The following HIRA variants were observed in gnomAD, a reference collection of about 807,000 sequenced individuals.
The protein encoded by HIRA is histone cell cycle regulator, also known as protein HIRA.
HIRA carries 13 observed loss-of-function variants against 126.6 expected under a neutral mutation model. That is an observed-to-expected ratio of 0.10 (90% CI 0.07 to 0.16). The LOEUF (loss-of-function observed/expected upper bound fraction) is 0.16, where lower values mean the gene tolerates loss of function less well. Ranked by LOEUF, HIRA falls within the 10% of genes least tolerant of loss-of-function variation. The pLI is 1.00. For missense variants in HIRA, 834 were observed against 1,314.4 expected (o/e 0.63, Z 5.65); for synonymous variants, 511 against 520.0 (o/e 0.98, Z 0.24).
At chr22:19,419,224 A>G (rs1569313659) in intron 1 of HIRA, among the ~76,000 whole-genome samples, 1 of 152,140 alleles carries the variant, frequency 6.6e-6, no homozygotes, top group Non-Finnish European at 1.5e-5. Context: ...TTTCCAAGAA[A>G]CCTGCTCTAC....
chr22:19,430,295 G>A (rs2089521445), intron 1 of HIRA: 1 of 152,222 alleles, frequency 6.6e-6, no homozygotes, highest in Non-Finnish European at 1.5e-5. Flanking sequence ...AAAGAAACAC[G>A]TGAACCTAGT....
intron 21 of HIRA, 132 bp from the exon 22 acceptor site, chr22:19,354,250 T>C (rs1438113804): frequency 1.2e-6 from 1 of 843,448 alleles, no homozygotes; most frequent in African/African-American, 1.7e-5. Flanking sequence ...CAGTAGAGGC[T>C]GAGCGCCCCT....
chr22:19,384,387 AT>A (rs2089105680), intron 12 of HIRA, among the ~76,000 whole-genome samples: 1 of 151,626 alleles, frequency 6.6e-6, no homozygotes, highest in Admixed American at 6.6e-5. Flanking sequence ...CTGGCTTATC[AT>A]TAATTTGTAC....
rs189502328 is a variant in HIRA at position 19,370,496 on chromosome 22, G to A, written c.1775+5135C>T. On this transcript the variant is annotated intron_variant, in intron 15 of 24. Transcript: ENST00000263208. The stretch of plus-strand genomic sequence containing the variant: ...CGGACTCAAGTGATCCACCTGCCTC[G>A]GCCTCCCAGAATGCTAGGATTGACT... 2.0e-5 allele frequency among the ~76,000 whole-genome samples: 3 copies of A among 151,982 alleles called. No homozygotes were observed. In the East Asian group the frequency reaches 5.8e-4, roughly 29 times the overall value.
intron 24 of HIRA, among the ~76,000 whole-genome samples, chr22:19,348,508 T>G (rs574636725): frequency 6.6e-6 from 1 of 152,246 alleles, no homozygotes; most frequent in Non-Finnish European, 1.5e-5. Flanking sequence ...TGATTTTTTT[T>G]TTTTTGAGAC....
At chr22:19,427,162 G>A (rs187697940) in intron 1 of HIRA, among the ~76,000 whole-genome samples, 42 of 152,244 alleles carry the variant, frequency 2.8e-4, no homozygotes, top group African/African-American at 9.9e-4. Context: ...CATGCTATAC[G>A]ATGTTTAACA....
At chr22:19,348,800 ATTTT>A (rs1325766436) in intron 24 of HIRA, among the ~76,000 whole-genome samples, 1 of 148,072 alleles carries the variant, frequency 6.8e-6, no homozygotes, top group Non-Finnish European at 1.5e-5. Flanking sequence ...TGGCCTTTTT[ATTTT>A]TTATTTTTTG....
At chr22:19,339,441 C>T (rs2088601865) in intron 24 of HIRA, among the ~76,000 whole-genome samples, 1 of 152,088 alleles carries the variant, frequency 6.6e-6, no homozygotes, top group Non-Finnish European at 1.5e-5. Context: ...TCAAGACCAG[C>T]CTGGCCAAAA....
intron 2 of HIRA, 103 bp downstream of exon 2, chr22:19,410,613 C>T: frequency 1.2e-6 from 1 of 808,236 alleles, no homozygotes; most frequent in East Asian, 2.4e-5. Context: ...TTGCATCCAT[C>T]CTGAAAAATA....
intron 24 of HIRA, among the ~76,000 whole-genome samples, chr22:19,348,748 G>C (rs1822664654): frequency 6.6e-6 from 1 of 151,774 alleles, no homozygotes; most frequent in Non-Finnish European, 1.5e-5. Context: ...GACCCCCTTG[G>C]CCTCCCAAAG....
chr22:19,405,143 G>A (rs566556821), intron 5 of HIRA, among the ~76,000 whole-genome samples: 5 of 152,290 alleles, frequency 3.3e-5, no homozygotes, highest in Admixed American at 3.3e-4. Flanking sequence ...CAGCCATGGT[G>A]AAATGCCTCC....
chr22:19,412,015 C>T (rs1040354153), intron 1 of HIRA, among the ~76,000 whole-genome samples: 6 of 152,256 alleles, frequency 3.9e-5, no homozygotes, highest in African/African-American at 7.2e-5. Context: ...CACTTTCCTT[C>T]TTACTGGTCA....
intron 24 of HIRA, among the ~76,000 whole-genome samples, chr22:19,337,226 A>C (rs2088576756): frequency 6.6e-6 from 1 of 152,084 alleles, no homozygotes; most frequent in Non-Finnish European, 1.5e-5. Context: ...ACCAAAGGTG[A>C]AAATCAACTT....
intron 1 of HIRA, among the ~76,000 whole-genome samples, chr22:19,420,994 T>C (rs2089441663): frequency 6.6e-6 from 1 of 152,122 alleles, no homozygotes; most frequent in Admixed American, 6.5e-5. Context: ...TACAATACTA[T>C]TTAAGTGAAA....
At position 19,361,924 on chromosome 22, in the gene HIRA, C is replaced by G. The variant is rs751362133; in HGVS notation, c.1783G>C (p.Glu595Gln). Residue 595 changes from glutamate to glutamine, a missense_variant, in exon 16 of 25, where the codon GAG becomes CAG. This residue lies in a region of HIRA where 468 missense variants were observed against 574.2 expected (regional missense o/e 0.82). Transcript: ENST00000263208. ...MTPTAVERLKEQNLVKELRPR... is the reference protein window; with the variant it reads ...MTPTAVERLKQQNLVKELRPR... ...CTCAGCTCTTTCACAAGGTTCTGCT[C>G]TTTTAACCTGCACAAAAACATTACA... 6.2e-7 allele frequency: 1 copy of G among 1,614,138 alleles called. No homozygotes were observed. The highest frequency in any genetic ancestry group is 1.7e-5 in the Admixed American group (1 of 60,018).
At chr22:19,421,055 T>C (rs1178726307) in intron 1 of HIRA, among the ~76,000 whole-genome samples, 1 of 152,150 alleles carries the variant, frequency 6.6e-6, no homozygotes, top group Admixed American at 6.5e-5. Flanking sequence ...CCCAGCACTT[T>C]GGGAGGTCGA....
chr22:19,403,161 A>G (rs924218843), intron 5 of HIRA, among the ~76,000 whole-genome samples: 3 of 152,124 alleles, frequency 2.0e-5, no homozygotes, highest in African/African-American at 7.2e-5. Context: ...TTTTAAAAAA[A>G]GCATTTTTAA....
chr22:19,345,526 G>A (rs2088676499), intron 24 of HIRA, among the ~76,000 whole-genome samples: 2 of 152,136 alleles, frequency 1.3e-5, no homozygotes, highest in South Asian at 4.1e-4. Context: ...CGGCACCCAG[G>A]ACTGGTTTTT....
chr22:19,419,069 G>C (rs746187026), intron 1 of HIRA, among the ~76,000 whole-genome samples: 4 of 152,110 alleles, frequency 2.6e-5, no homozygotes, highest in Non-Finnish European at 5.9e-5. Flanking sequence ...TCATGTGCAG[G>C]TGACAATATG....
Sources: gnomAD v4.1 joint callset for allele counts (sites outside exome capture counted in the v4.1 genomes callset) on GRCh38, gnomAD v4.1.1 for gene constraint, gnomAD v4.1.1 regional missense constraint, MANE v1.5 for transcripts, NCBI Gene and HGNC (gene_info 2026-07-23, HGNC 2026-07-21) for gene names.